The following GREB1 variants were observed in gnomAD, a reference collection of about 807,000 sequenced individuals.
The protein encoded by GREB1 is protein GREB1.
A neutral mutation model predicts 200.7 loss-of-function variants in GREB1; 106 were observed. The observed-to-expected ratio is 0.53, with a 90% CI of 0.45 to 0.62. The LOEUF is 0.62. Among genes scored for constraint, GREB1 ranks in the 20% least tolerant of loss-of-function variants. The pLI is 0.00. For synonymous variants in GREB1, 1,132 were observed against 1,092.4 expected (o/e 1.04, Z -0.72); for missense variants, 2,243 against 2,556.8 (o/e 0.88, Z 2.65).
rs772234057 is a variant in GREB1, at chr2:11,600,922, C to T, written c.2456C>T (p.Pro819Leu). ...GTGACACTTCACGTGACCTCCTTCC[C>T]GTATGCACTGCAGACACAGCACACC... ...NIVTLHVTSF[P>L]YALQTQHTLI... is the part of the protein sequence containing the mutation. Residue 819 changes from proline (P) to leucine (L), a missense_variant, in exon 16 of 33, where the codon CCG becomes CTG. Around this residue, in one of 3 missense-constraint regions of GREB1, gnomAD observed 1,178 missense variants for 1,387.4 expected, o/e 0.85. Transcript: ENST00000381486. 3 of 1,614,094 alleles carry T rather than the reference C, an allele frequency of 1.9e-6. No homozygotes were observed. The highest frequency in any genetic ancestry group is 1.7e-6 in the Non-Finnish European group (2 of 1,180,022).
chr2:11,543,591 CT>C (rs1284177527), intron 1 of GREB1, among the ~76,000 whole-genome samples: 7 of 152,186 alleles, frequency 4.6e-5, no homozygotes, highest in African/African-American at 1.7e-4. Context: ...AAAGTGAATG[CT>C]TTTACCACTA....
At chr2:11,562,157 C>T (rs1279954343) in intron 2 of GREB1, among the ~76,000 whole-genome samples, 1 of 152,232 alleles carries the variant, frequency 6.6e-6, no homozygotes, top group African/African-American at 2.4e-5. Context: ...AATTTGGAGT[C>T]ATGAGGCCCA....
In GREB1 at chr2:11,484,604, AAAAAG is replaced by A. The variant is rs1234563430; in HGVS notation, c.-159+2227_-159+2231del. Reference sequence around the variant, plus strand: ...ATCTCTTAAAAAACAAAAAAAAAAAAAAAAGAAAGAAAGAAAAAGAAAGAAAAAAA... The same window carrying A: ...ATCTCTTAAAAAACAAAAAAAAAAAAAAAGAAAGAAAAAGAAAGAAAAAAA... On this transcript the variant is annotated intron_variant, in intron 1 of 2. Coordinates refer to the GREB1 transcript ENST00000628795. Among the ~76,000 whole-genome samples, 1,017 of 149,694 alleles carry A rather than the reference AAAAAG, an allele frequency of 6.8e-3. 21 individuals carry two copies. The highest frequency in any genetic ancestry group is 0.024 in the African/African-American group (966 of 39,650).
intron 1 of GREB1, among the ~76,000 whole-genome samples, chr2:11,546,943 C>CTTTT (rs386354826): frequency 2.4e-5 from 3 of 123,494 alleles, no homozygotes; most frequent in African/African-American, 8.6e-5. Flanking sequence ...CTAGTTTAAA[C>CTTTT]TTTTTTTTTT....
At chr2:11,550,980 A>C (rs73191465) in intron 1 of GREB1, among the ~76,000 whole-genome samples, 3,465 of 152,268 alleles carry the variant, frequency 0.023, 125 homozygotes, top group African/African-American at 0.08. Context: ...ACTTCAACTC[A>C]ACCTAAAAAT....
At chr2:11,637,947 C>G in intron 31 of GREB1, 31 bp downstream of exon 31, 1 of 1,564,574 alleles carries the variant, frequency 6.4e-7, no homozygotes, top group Non-Finnish European at 8.8e-7. Flanking sequence ...TGTCGAATCC[C>G]TAATTCAGAG....
Position 11,627,049 on chromosome 2 carries a change from C to T in GREB1, c.4394C>T (p.Thr1465Ile). ...CTGTCCAAGTACGCAGCGTACAACA[C>T]TTACCACCACTGTGAGCAGTGCCAC... ...MRLSKYAAYN[T>I]YHHCEQCHQY... is the part of the protein sequence containing the mutation. Residue 1465 changes from threonine to isoleucine, a missense_variant, in exon 25 of 33, where the codon ACT becomes ATT. By Grantham distance (89) the Thr-to-Ile change is moderately conservative (BLOSUM62 -1). Around this residue, in one of 3 missense-constraint regions of GREB1, gnomAD observed 587 missense variants for 553.1 expected, o/e 1.06. Coordinates refer to ENST00000381486, the MANE Select transcript of GREB1 (RefSeq NM_014668.4). 6.2e-7 allele frequency: 1 copy of T among 1,613,964 alleles called. No homozygotes were observed. The highest frequency in any genetic ancestry group is 8.5e-7 in the Non-Finnish European group (1 of 1,179,896).
intron 2 of GREB1, among the ~76,000 whole-genome samples, chr2:11,561,510 C>T (rs1488850344): frequency 6.6e-6 from 1 of 151,998 alleles, no homozygotes; most frequent in South Asian, 2.1e-4. Flanking sequence ...ATTACAGGCA[C>T]ACACTACCAC....
intron 17 of GREB1, among the ~76,000 whole-genome samples, chr2:11,609,060 G>A (rs1303681619): frequency 6.6e-6 from 1 of 152,092 alleles, no homozygotes; most frequent in African/African-American, 2.4e-5. Context: ...GTCTTTCACT[G>A]CCTGATGTCC....
In GREB1 at chr2:11,618,748, G is replaced by A; in HGVS notation, c.3873G>A (p.Trp1291Ter). Residue 1291 changes from tryptophan to a stop codon, truncating the protein, a stop_gained, in exon 22 of 33, where the codon TGG becomes TGA. Transcript: ENST00000381486. LOFTEE classifies it high-confidence loss of function. ...TCCTGCCCTCCCCCTCGGTCATGTG[G>A]GCCAGCTCTTTCCGCCCCCTGCTCA... ...ASLLPSPSVM[W>*]ASSFRPLLSK... 1 of 1,613,470 alleles carries A rather than the reference G, an allele frequency of 6.2e-7. No homozygotes were observed. Among genetic ancestry groups the A allele is most frequent in the Non-Finnish European group, 8.5e-7 (1 of 1,179,892 alleles).
chr2:11,541,696 G>A (rs959720297), intron 1 of GREB1, among the ~76,000 whole-genome samples: 1 of 152,126 alleles, frequency 6.6e-6, no homozygotes, highest in Non-Finnish European at 1.5e-5. Context: ...CTCAAACACA[G>A]CCTCATCAGC....
At position 11,588,398 on chromosome 2, in the gene GREB1, C is replaced by T. The variant is rs140023086; in HGVS notation, c.1160-348C>T. On this transcript the variant is annotated intron_variant, in intron 9 of 32. Coordinates refer to ENST00000381486, the MANE Select transcript of GREB1 (RefSeq NM_014668.4). ...GTGAAGCTCTGGAAGGTGCTCTGCC[C>T]ACAAGGTGTCCCATTGGTGGTGCTG... 3.8e-4 allele frequency: 235 copies of T among 613,692 alleles called. 1 individual carries two copies. In the African/African-American group the frequency reaches 4.2e-3, roughly 11 times the overall value. 38.0% of individuals were successfully genotyped at this position (613,692 alleles called of 1,614,324 possible). A position where few individuals can be genotyped will look rare whatever the true frequency, so the allele number is the denominator to read the frequency against.
rs1572857260 is a variant in GREB1, at chr2:11,594,727, C to G, written c.1697-524C>G. On this transcript the variant is annotated intron_variant, in intron 11 of 32. Transcript: ENST00000381486. Reference sequence around the variant, plus strand: ...TTTGTTTTTGAGACAGAGTCTCGCTCTGTCGCCCAGGCTGGAGTGTAGTGA... The same window carrying G: ...TTTGTTTTTGAGACAGAGTCTCGCTGTGTCGCCCAGGCTGGAGTGTAGTGA... Among the ~76,000 whole-genome samples, 2 of 152,030 alleles carry G rather than the reference C, an allele frequency of 1.3e-5. 1 individual carries two copies.
chr2:11,564,055 G>A (rs750508440), intron 3 of GREB1, among the ~76,000 whole-genome samples: 10 of 152,186 alleles, frequency 6.6e-5, no homozygotes, highest in Non-Finnish European at 1.3e-4. Context: ...GTTGGAGGAA[G>A]CTGGGAAGTT....
chr2:11,606,909 A>T (rs1682354381), intron 17 of GREB1, among the ~76,000 whole-genome samples: 1 of 151,762 alleles, frequency 6.6e-6, no homozygotes, highest in African/African-American at 2.4e-5. Flanking sequence ...CAGCCTCCTG[A>T]GTAGCTGGGA....
intron 1 of GREB1, among the ~76,000 whole-genome samples, chr2:11,544,968 C>T (rs187998391): frequency 1.2e-3 from 182 of 152,220 alleles, no homozygotes; most frequent in African/African-American, 4.2e-3. Context: ...GCGCCTGCCA[C>T]CATGCCCAGC....
At chr2:11,505,003 C>T (rs1673142611) in intron 1 of GREB1, among the ~76,000 whole-genome samples, 1 of 152,204 alleles carries the variant, frequency 6.6e-6, no homozygotes, top group South Asian at 2.1e-4. Context: ...GCCATCTCAG[C>T]TCACTGCATC....
chr2:11,596,304 AGTGGGCG>A, intron 13 of GREB1, 65 bp downstream of exon 13: 1 of 1,361,282 alleles, frequency 7.3e-7, no homozygotes. Flanking sequence ...GGGCAGGGTC[AGTGGGCG>A]CAGGTGTGCA....
chr2:11,553,909 C>T (rs1420532316), intron 1 of GREB1, among the ~76,000 whole-genome samples: 2 of 152,006 alleles, frequency 1.3e-5, no homozygotes, highest in Admixed American at 1.3e-4. Context: ...TCAGGGGCTC[C>T]ATGTAAAACG....
Sources: allele counts gnomAD v4.1 joint callset (sites outside exome capture counted in the v4.1 genomes callset), GRCh38; gene constraint gnomAD v4.1.1; regional missense constraint gnomAD v4.1.1; transcripts MANE v1.5; gene names NCBI Gene and HGNC (gene_info 2026-07-23, HGNC 2026-07-21).